Variants in NEFH observed in about 807,000 individuals in gnomAD.
NEFH encodes the protein neurofilament heavy chain.
A neutral mutation model predicts 56.6 loss-of-function variants in NEFH; 58 were observed. The observed-to-expected ratio is 1.03, with a 90% CI of 0.83 to 1.28. The LOEUF is 1.28. Among genes scored for constraint, NEFH ranks in the 50% most tolerant of loss-of-function variants. NEFH has a pLI of 0.00. For missense variants in NEFH, 1,221 were observed against 1,307.6 expected, an observed-to-expected ratio of 0.93 and a Z score of 1.02; for synonymous variants, 542 against 545.8, an observed-to-expected ratio of 0.99 and a Z score of 0.10.
At position 29,488,930 on chromosome 22, in the gene NEFH, C is replaced by A. The variant is rs371561948; in HGVS notation, c.1290C>A (p.Pro430=). The A allele has an allele frequency of 1.2e-6, 2 of 1,614,056 alleles. No individual in the cohort carries two copies. Among genetic ancestry groups the A allele is most frequent in the Non-Finnish European group, 1.7e-6 (2 of 1,180,052 alleles). ...FSLPEGLPKI[P]SVSTHIKVKS... ...TTCCAGAAGGACTCCCCAAAATTCCCTCTGTGTCCACTCACATAAAGGTGA... is the reference window on the plus strand; with the variant it reads ...TTCCAGAAGGACTCCCCAAAATTCCATCTGTGTCCACTCACATAAAGGTGA... Residue 430 remains proline, a synonymous_variant, in exon 4 of 4, where the codon CCC becomes CCA. Transcript: ENST00000310624.
rs778051538 is a variant in NEFH, at chr22:29,489,462, G to T, written c.1822G>T (p.Val608Leu). 2 of 1,586,924 alleles carry T rather than the reference G, an allele frequency of 1.3e-6. No homozygotes were observed. Among genetic ancestry groups the T allele is most frequent in the Admixed American group, 3.4e-5 (2 of 58,084 alleles). Residue 608 changes from valine (V) to leucine (L), a missense_variant, in exon 4 of 4, where the codon GTG becomes TTG. By Grantham distance (32) the Val-to-Leu change is conservative. Transcript: ENST00000310624. The part of the protein sequence containing the change: ...AKSPEKAKSP[V>L]KEEAKSPAEA... ...GTCTCCAGAGAAGGCCAAGTCCCCA[G>T]TGAAGGAAGAAGCAAAGTCACCGGC...
Position 29,480,417 on chromosome 22 carries a change from G to T in NEFH, c.155G>T (p.Arg52Leu). ...TCCAGCGGCTTCCACTCGTGGACAC[G>T]GACGTCCGTGAGCTCCGTGTCCGCC... ...GSSSGFHSWT[R>L]TSVSSVSASP... The change falls in exon 1 of 4, where the codon CGG becomes CTG. Residue 52 changes from arginine to leucine, a missense_variant. By Grantham distance (102) the Arg-to-Leu change is moderately radical. Coordinates refer to ENST00000310624, the MANE Select transcript of NEFH (RefSeq NM_021076.4). 6.5e-7 allele frequency: 1 copy of T among 1,532,930 alleles called. No individual in the cohort carries two copies. The highest frequency in any genetic ancestry group is 1.2e-5 in the South Asian group (1 of 83,844). 95.0% of individuals were successfully genotyped at this position (1,532,930 alleles called of 1,614,324 possible). A position where few individuals can be genotyped will look rare whatever the true frequency, so the allele number is the denominator to read the frequency against.
rs753377717 is a variant in NEFH at position 29,489,688 on chromosome 22, C to T, written c.2048C>T (p.Pro683Leu). The T allele has an allele frequency of 1.0e-5, 16 of 1,607,016 alleles. No individual in the cohort carries two copies. The South Asian group carries it at 1.5e-4, about 16-fold the overall frequency. The part of the protein sequence containing the change: ...EAKSPEKAKS[P>L]VKAEAKSPEK... Reference sequence around the variant, plus strand: ...AAGTCCCCTGAGAAGGCCAAGTCCCCAGTGAAGGCAGAAGCAAAGTCCCCT... The same window carrying T: ...AAGTCCCCTGAGAAGGCCAAGTCCCTAGTGAAGGCAGAAGCAAAGTCCCCT... The change falls in exon 4 of 4, where the codon CCA (proline) becomes CTA (leucine). Residue 683 changes from proline (P) to leucine (L), a missense_variant. Coordinates refer to ENST00000310624, the MANE Select transcript of NEFH (RefSeq NM_021076.4).
rs781167046 is a variant in NEFH at position 29,490,826 on chromosome 22, C to T, written c.*123C>T. 227 of 1,523,368 alleles carry T rather than the reference C, an allele frequency of 1.5e-4. No homozygotes were observed. The highest frequency in any genetic ancestry group is 8.4e-4 in the Middle Eastern group (5 of 5,980). 94.4% of individuals were successfully genotyped at this position (1,523,368 alleles called of 1,614,324 possible). ...ATGTAAGAAGAAACTGCTTAGATGACGGGGCCTCCTTCTTCAAACAGGAAT... is the reference window on the plus strand; with the variant it reads ...ATGTAAGAAGAAACTGCTTAGATGATGGGGCCTCCTTCTTCAAACAGGAAT... On this transcript the variant is annotated 3_prime_UTR_variant, in exon 4 of 4. Coordinates refer to ENST00000310624, the MANE Select transcript of NEFH (RefSeq NM_021076.4).
At position 29,480,383 on chromosome 22, in the gene NEFH, G is replaced by T; in HGVS notation, c.121G>T (p.Ala41Ser). Residue 41 changes from alanine (A) to serine (S), a missense_variant, in exon 1 of 4, where the codon GCT (alanine) becomes TCT (serine). By Grantham distance (99) the Ala-to-Ser change is moderately conservative. Transcript: ENST00000310624. ...KGGAGGTRSA[A>S]GSSSGFHSWT... is the part of the protein sequence containing the mutation. Reference sequence around the variant, plus strand: ...TGGCGCAGGCGGGACGCGCTCCGCCGCTGGCTCCTCCAGCGGCTTCCACTC... The same window carrying T: ...TGGCGCAGGCGGGACGCGCTCCGCCTCTGGCTCCTCCAGCGGCTTCCACTC... The T allele has an allele frequency of 6.5e-7, 1 of 1,536,816 alleles. No homozygotes were observed. The highest frequency in any genetic ancestry group is 1.2e-5 in the South Asian group (1 of 84,286).
In NEFH at chr22:29,480,784, G is replaced by A; in HGVS notation, c.522G>A (p.Leu174=). Residue 174 remains leucine, a synonymous_variant, in exon 1 of 4, where the codon CTG becomes CTA. Transcript: ENST00000310624. ...AGCTACGCCTGGAGCAGGAGCACCTGCTCGAGGACATCGCGCACGTGCGCC... is the reference window on the plus strand; with the variant it reads ...AGCTACGCCTGGAGCAGGAGCACCTACTCGAGGACATCGCGCACGTGCGCC... ...RGQLRLEQEH[L]LEDIAHVRQR... 1 of 1,427,808 alleles carries A rather than the reference G, an allele frequency of 7.0e-7. No individual in the cohort carries two copies. Among genetic ancestry groups the A allele is most frequent in the Non-Finnish European group, 9.1e-7 (1 of 1,101,804 alleles). 88.4% of individuals were successfully genotyped at this position (1,427,808 alleles called of 1,614,324 possible). A position where few individuals can be genotyped will look rare whatever the true frequency, so the allele number is the denominator to read the frequency against.
Position 29,490,680 on chromosome 22 carries a change from G to C in NEFH, c.3040G>C (p.Asp1014His), listed in dbSNP as rs773580204. 6.2e-7 allele frequency: 1 copy of C among 1,614,030 alleles called. No individual in the cohort carries two copies. Among genetic ancestry groups the C allele is most frequent in the Non-Finnish European group, 8.5e-7 (1 of 1,180,044 alleles). ...CAAGCCTCCAGAGAAGGCCACAGAA[G>C]ACAAGGCCGCCAAGGGGAAGTAAGG... Reference protein sequence around the residue: ...DSKPPEKATEDKAAKGK With the variant: ...DSKPPEKATEHKAAKGK The change falls in exon 4 of 4, where the codon GAC becomes CAC. Residue 1014 changes from aspartate (D) to histidine (H), a missense_variant. Asp to His is a moderately conservative substitution (Grantham distance 81). This residue lies in a region of NEFH where 301 missense variants were observed against 346.6 expected (regional missense o/e 0.87). Coordinates refer to ENST00000310624, the MANE Select transcript of NEFH (RefSeq NM_021076.4).
rs1392494898 is a variant in NEFH, at chr22:29,490,648, A to G, written c.3008A>G (p.Lys1003Arg). The G allele has an allele frequency of 2.5e-6, 4 of 1,613,990 alleles. No homozygotes were observed. In the South Asian group the frequency reaches 4.4e-5, roughly 18 times the overall value. ...GAAAAATCCTCCAGCACAGACCAAA[A>G]AGACAGCAAGCCTCCAGAGAAGGCC... ...KAEKSSSTDQ[K>R]DSKPPEKATE... The change falls in exon 4 of 4, where the codon AAA becomes AGA. Residue 1003 changes from lysine (K) to arginine (R), a missense_variant. By Grantham distance (26) the Lys-to-Arg change is conservative. Transcript: ENST00000310624.
intron 2 of NEFH, among the ~76,000 whole-genome samples, chr22:29,484,004 C>A (rs2063029302): frequency 6.6e-6 from 1 of 151,952 alleles, no homozygotes; most frequent in Admixed American, 6.6e-5. Flanking sequence ...TGCATGCCAC[C>A]ACACCTGGCT....
Position 29,489,810 on chromosome 22 carries a change from T to C in NEFH, c.2170T>C (p.Ser724Pro). The C allele has an allele frequency of 1.9e-6, 3 of 1,601,452 alleles. No homozygotes were observed. Among genetic ancestry groups the C allele is most frequent in the Non-Finnish European group, 2.5e-6 (3 of 1,176,922 alleles). The change falls in exon 4 of 4, where the codon TCC becomes CCC. Residue 724 changes from serine to proline, a missense_variant. Physicochemically the swap from Ser to Pro is moderately conservative, Grantham distance 74. Transcript: ENST00000310624. ...EEAKSPEKAK[S>P]PVKEEAKTPE... ...AGCAAAGTCCCCTGAGAAGGCCAAG[T>C]CCCCAGTGAAGGAAGAAGCAAAGAC...
Position 29,480,286 on chromosome 22 carries a change from C to G in NEFH, c.24C>G (p.Asp8Glu). 2 of 1,509,298 alleles carry G rather than the reference C, an allele frequency of 1.3e-6. No homozygotes were observed. The highest frequency in any genetic ancestry group is 2.9e-5 in the African/African-American group (2 of 69,312). The allele number at this position is 1,509,298 out of a possible 1,614,324, so 93.5% of individuals were successfully genotyped here. A position where few individuals can be genotyped will look rare whatever the true frequency, so the allele number is the denominator to read the frequency against. MMSFGGA[D>E]ALLGAPFAPL... ...CCATGATGAGCTTCGGCGGCGCGGA[C>G]GCGCTGCTGGGCGCCCCGTTCGCGC... Residue 8 changes from aspartate (D) to glutamate (E), a missense_variant, in exon 1 of 4, where the codon GAC (aspartate) becomes GAG (glutamate). Coordinates refer to ENST00000310624, the MANE Select transcript of NEFH (RefSeq NM_021076.4).
intron 3 of NEFH, among the ~76,000 whole-genome samples, chr22:29,486,094 C>T (rs544276995): frequency 6.6e-6 from 1 of 152,338 alleles, no homozygotes; most frequent in South Asian, 2.1e-4. Context: ...TCTCTGCCCA[C>T]TGCAGCCTCT....
Position 29,489,680 on chromosome 22 carries a change from C to T in NEFH, c.2040C>T (p.Ala680=), listed in dbSNP as rs765863811. ...VKAEAKSPEK[A]KSPVKAEAKS... ...CAGAAGCAAAGTCCCCTGAGAAGGC[C>T]AAGTCCCCAGTGAAGGCAGAAGCAA... The change falls in exon 4 of 4, where the codon GCC becomes GCT. Residue 680 remains alanine (A), a synonymous_variant. Transcript: ENST00000310624. The T allele has an allele frequency of 1.2e-6, 2 of 1,604,742 alleles. No individual in the cohort carries two copies. Among genetic ancestry groups the T allele is most frequent in the Non-Finnish European group, 1.7e-6 (2 of 1,178,108 alleles).
At position 29,483,411 on chromosome 22, in the gene NEFH, A is replaced by G; in HGVS notation, c.920A>G (p.Asn307Ser). The change falls in exon 2 of 4, where the codon AAC becomes AGC. Residue 307 changes from asparagine to serine, a missense_variant. By Grantham distance (46) the Asn-to-Ser change is conservative (BLOSUM62 1). Coordinates refer to ENST00000310624, the MANE Select transcript of NEFH (RefSeq NM_021076.4). ...CGACTGTCGGAGGCAGCCAAGGTGA[A>G]CACAGACGCTATGCGCTCAGCGCAG... ...LDRLSEAAKV[N>S]TDAMRSAQEE... 5 of 1,613,838 alleles carry G rather than the reference A, an allele frequency of 3.1e-6. No homozygotes were observed. Among genetic ancestry groups the G allele is most frequent in the Non-Finnish European group, 3.4e-6 (4 of 1,180,000 alleles).
chr22:29,485,011 T>G (rs2063036102), intron 2 of NEFH, among the ~76,000 whole-genome samples: 1 of 152,090 alleles, frequency 6.6e-6, no homozygotes, highest in South Asian at 2.1e-4. Flanking sequence ...ATTATTTAAT[T>G]GTTTTGTAGA....
At position 29,483,551 on chromosome 22, in the gene NEFH, CAGGCCGACATT is replaced by C. The variant is rs2063025451; in HGVS notation, c.1061_1071del (p.Gln354ArgfsTer13). On this transcript the variant is annotated frameshift_variant, in exon 2 of 4. Coordinates refer to ENST00000310624, the MANE Select transcript of NEFH (RefSeq NM_021076.4). LOFTEE classifies it high-confidence loss of function. ...GCGCTCTGAGCTGGAGGACCGTCATCAGGCCGACATTGCCTCCTACCAGGTGGGCAGGGGCA... is the reference window on the plus strand; with the variant it reads ...GCGCTCTGAGCTGGAGGACCGTCATCGCCTCCTACCAGGTGGGCAGGGGCA... 1 of 1,613,702 alleles carries C rather than the reference CAGGCCGACATT, an allele frequency of 6.2e-7. No homozygotes were observed.
rs5763269 is a variant in NEFH at position 29,489,484 on chromosome 22, C to T, written c.1844C>T (p.Pro615Leu). Reference protein sequence around the residue: ...KSPVKEEAKSPAEAKSPVKEE... With the variant: ...KSPVKEEAKSLAEAKSPVKEE... ...CCAGTGAAGGAAGAAGCAAAGTCAC[C>T]GGCTGAGGCCAAGTCCCCAGTGAAG... Residue 615 changes from proline to leucine, a missense_variant, in exon 4 of 4, where the codon CCG becomes CTG. Physicochemically the swap from Pro to Leu is moderately conservative, Grantham distance 98. Transcript: ENST00000310624. The T allele has an allele frequency of 0.2, 327,523 of 1,607,302 alleles. 34,798 individuals carry two copies. Among genetic ancestry groups the T allele is most frequent in the Middle Eastern group, 0.23 (1,402 of 6,034 alleles).
chr22:29,488,937 T>TCC lies in NEFH; in HGVS notation c.1298_1299dup (p.Thr434ProfsTer4). On this transcript the variant is annotated frameshift_variant, in exon 4 of 4. Transcript: ENST00000310624. LOFTEE classifies it low-confidence loss of function (END_TRUNC). ...AGGACTCCCCAAAATTCCCTCTGTG[T>TCC]CCACTCACATAAAGGTGAAAAGCGA... 1 of 1,614,122 alleles carries TCC rather than the reference T, an allele frequency of 6.2e-7. No individual in the cohort carries two copies. The highest frequency in any genetic ancestry group is 8.5e-7 in the Non-Finnish European group (1 of 1,180,008).
rs1162287158 is a variant in NEFH at position 29,489,985 on chromosome 22, C to T, written c.2345C>T (p.Pro782Leu). ...GCAAGGTCCCCTGCAGACAAATTCCCTGAAAAGGCCAAAAGCCCTGTCAAG... is the reference window on the plus strand; with the variant it reads ...GCAAGGTCCCCTGCAGACAAATTCCTTGAAAAGGCCAAAAGCCCTGTCAAG... Reference protein sequence around the residue: ...EEARSPADKFPEKAKSPVKEE... With the variant: ...EEARSPADKFLEKAKSPVKEE... Residue 782 changes from proline (P) to leucine (L), a missense_variant, in exon 4 of 4, where the codon CCT (proline) becomes CTT (leucine). Around this residue, in one of 4 missense-constraint regions of NEFH, gnomAD observed 301 missense variants for 346.6 expected, o/e 0.87. Coordinates refer to ENST00000310624, the MANE Select transcript of NEFH (RefSeq NM_021076.4). 17 of 1,613,616 alleles carry T rather than the reference C, an allele frequency of 1.1e-5. No individual in the cohort carries two copies. Among genetic ancestry groups the T allele is most frequent in the Non-Finnish European group, 1.4e-5 (17 of 1,179,908 alleles).
Sources: allele counts gnomAD v4.1 joint callset (sites outside exome capture counted in the v4.1 genomes callset), GRCh38; gene constraint gnomAD v4.1.1; regional missense constraint gnomAD v4.1.1; transcripts MANE v1.5; gene names NCBI Gene and HGNC (gene_info 2026-07-23, HGNC 2026-07-21).